STAG1: variants seen among roughly 807,000 people sequenced by gnomAD.
STAG1 encodes cohesin subunit SA-1.
In STAG1, 26 loss-of-function variants were observed where a neutral mutation model predicts 170.9. That is an observed-to-expected ratio of 0.15 (90% CI 0.11 to 0.21). The LOEUF is 0.21. Among genes scored for constraint, STAG1 ranks in the 10% least tolerant of loss-of-function variants. The probability of loss-of-function intolerance (pLI) is 1.00; values close to 1 mark genes in which losing one functional copy is unlikely to be tolerated. For missense variants in STAG1, 964 were observed against 1,509.5 expected (o/e 0.64, Z 5.99); for synonymous variants, 514 against 497.7 (o/e 1.03, Z -0.44).
intron 1 of STAG1, among the ~76,000 whole-genome samples, chr3:136,714,952 T>TAA (rs1354296982): frequency 1.3e-5 from 1 of 75,174 alleles, no homozygotes; most frequent in South Asian, 4.1e-4. Flanking sequence ...TATATATATA[T>TAA]ATATATATAT....
At chr3:136,691,593 C>T (rs1942725432) in intron 1 of STAG1, among the ~76,000 whole-genome samples, 1 of 152,096 alleles carries the variant, frequency 6.6e-6, no homozygotes, top group South Asian at 2.1e-4. Flanking sequence ...TCTGAGAAAC[C>T]CTCAAAGCTG....
At chr3:136,623,049 TA>T in intron 3 of STAG1, 96 bp downstream of exon 3, 1 of 1,009,180 alleles carries the variant, frequency 9.9e-7, no homozygotes, top group Non-Finnish European at 1.4e-6. Flanking sequence ...GAATTTTTTT[TA>T]AGTATTAACC....
In STAG1 at chr3:136,338,209, A is replaced by C; in HGVS notation, c.*45T>G. 1 of 1,409,816 alleles carries C rather than the reference A, an allele frequency of 7.1e-7. No homozygotes were observed. Among genetic ancestry groups the C allele is most frequent in the Non-Finnish European group, 1.0e-6 (1 of 998,668 alleles). The allele number at this position is 1,409,816 out of a possible 1,614,324, so 87.3% of individuals were successfully genotyped here. ...AAGCTATCACAGTATATAGGCCTCT[A>C]GCTCTAAATAATAGAGTTCCAGATT... On this transcript the variant is annotated 3_prime_UTR_variant, in exon 34 of 34. Transcript: ENST00000383202.
chr3:136,341,719 T>C (rs1353245245), intron 30 of STAG1, among the ~76,000 whole-genome samples, 168 bp from the exon 31 acceptor site: 1 of 152,202 alleles, frequency 6.6e-6, no homozygotes, highest in Non-Finnish European at 1.5e-5. Context: ...CCCAAAGATA[T>C]CTGTAAGTCT....
chr3:136,516,026 TA>T (rs1424678888), intron 7 of STAG1, among the ~76,000 whole-genome samples: 3 of 151,934 alleles, frequency 2.0e-5, no homozygotes, highest in South Asian at 2.1e-4. Flanking sequence ...AAAATGAATA[TA>T]AAAAAATAAA....
At chr3:136,438,240 CTT>C (rs371190637) in intron 15 of STAG1, among the ~76,000 whole-genome samples, 3 of 128,200 alleles carry the variant, frequency 2.3e-5, no homozygotes, top group Admixed American at 8.7e-5. Flanking sequence ...AGTTTCTTTT[CTT>C]TTTTTTTTTT....
In STAG1 at chr3:136,439,781, A is replaced by G. The variant is rs1559802246; in HGVS notation, c.1546+3506T>C. 2.6e-5 allele frequency among the ~76,000 whole-genome samples: 4 copies of G among 152,232 alleles called. No homozygotes were observed. The South Asian group carries it at 8.3e-4, about 32-fold the overall frequency. ...GTCATTATGTAGATACAGTTCTGCA[A>G]CTGTTATGCCTAATTTCTCAGACTC... On this transcript the variant is annotated intron_variant, in intron 15 of 33. Transcript: ENST00000383202.
chr3:136,510,574 C>A (rs1258053674), intron 7 of STAG1, among the ~76,000 whole-genome samples: 3 of 151,372 alleles, frequency 2.0e-5, no homozygotes, highest in Admixed American at 6.6e-5. Context: ...CTGCACCCAG[C>A]CAATAGTGAG....
intron 5 of STAG1, among the ~76,000 whole-genome samples, chr3:136,566,106 G>A (rs1017445299): frequency 6.6e-6 from 1 of 152,028 alleles, no homozygotes; most frequent in African/African-American, 2.4e-5. Context: ...AGAGAGAGGT[G>A]GTAACTGCTA....
chr3:136,558,053 G>A lies in STAG1; in HGVS notation c.394+10712C>T, dbSNP rs144210052. On this transcript the variant is annotated intron_variant, in intron 5 of 33. Transcript: ENST00000383202. ...AAAAGCAGGCTGCAAGATGGAAGAA[G>A]AAAGCTGCAATATACATAACAAAGG... Among the ~76,000 whole-genome samples the A allele has an allele frequency of 3.2e-3, 493 of 152,276 alleles. 7 individuals are homozygous for A. In the East Asian group the frequency reaches 0.046, roughly 14 times the overall value.
At chr3:136,486,564 C>A (rs1252933158) in intron 9 of STAG1, among the ~76,000 whole-genome samples, 1 of 152,108 alleles carries the variant, frequency 6.6e-6, no homozygotes, top group Non-Finnish European at 1.5e-5. Flanking sequence ...GCTATACTAC[C>A]CTTGTAAAAG....
intron 1 of STAG1, among the ~76,000 whole-genome samples, chr3:136,717,423 G>GGA (rs1000451165): frequency 1.3e-5 from 2 of 152,184 alleles, no homozygotes; most frequent in African/African-American, 4.8e-5. Context: ...CAGCACTTTG[G>GGA]GAGGTCGAGG....
chr3:136,667,615 G>A (rs1941832159), intron 1 of STAG1, among the ~76,000 whole-genome samples: 1 of 152,036 alleles, frequency 6.6e-6, no homozygotes, highest in South Asian at 2.1e-4. Context: ...CCCTGCCGCA[G>A]CCTCCCAGTA....
At chr3:136,447,675 C>G (rs1028190960) in intron 14 of STAG1, among the ~76,000 whole-genome samples, 4 of 134,558 alleles carry the variant, frequency 3.0e-5, no homozygotes, top group Non-Finnish European at 4.6e-5. Context: ...GGTGCGATCT[C>G]GGCTCACTGC....
Position 136,707,994 on chromosome 3 carries a change from C to T in STAG1, c.-84+44201G>A, listed in dbSNP as rs185987385. On this transcript the variant is annotated intron_variant, in intron 1 of 33. Transcript: ENST00000383202. The stretch of plus-strand genomic sequence containing the variant: ...TATATTTTTTTAAAAAAAAGGAAAA[C>T]AGCAAGTGTTAGCAAGGATGTGAAG... Among the ~76,000 whole-genome samples the T allele has an allele frequency of 6.9e-4, 105 of 152,054 alleles. 1 individual carries two copies. In the East Asian group the frequency reaches 0.017, roughly 24 times the overall value.
intron 1 of STAG1, among the ~76,000 whole-genome samples, chr3:136,669,911 A>G (rs1941927319): frequency 6.6e-6 from 1 of 152,272 alleles, no homozygotes; most frequent in Non-Finnish European, 1.5e-5. Flanking sequence ...CATATACCAT[A>G]ATAGTTAAAG....
At chr3:136,690,057 A>AAAAAAAAAAAAAAAAAAAAAAAG (rs1942670943) in intron 1 of STAG1, among the ~76,000 whole-genome samples, 1 of 87,956 alleles carries the variant, frequency 1.1e-5, no homozygotes, top group Non-Finnish European at 2.2e-5. Context: ...AAAGCAAACC[A>AAAAAAAAAAAAAAAAAAAAAAAG]AAAAAAAAAA....
At chr3:136,386,189 AT>A (rs2086869717) in intron 22 of STAG1, among the ~76,000 whole-genome samples, 1 of 152,074 alleles carries the variant, frequency 6.6e-6, no homozygotes, top group African/African-American at 2.4e-5. Context: ...TACAAAAAAA[AT>A]TAGCTGGGCA....
chr3:136,695,436 CAA>C (rs757572153), intron 1 of STAG1, among the ~76,000 whole-genome samples: 14 of 114,380 alleles, frequency 1.2e-4, no homozygotes, highest in East Asian at 2.4e-4. Flanking sequence ...GACTCTGTCT[CAA>C]AAAAAAAAAA....
Sources: allele counts gnomAD v4.1 joint callset (sites outside exome capture counted in the v4.1 genomes callset), GRCh38; gene constraint gnomAD v4.1.1; transcripts MANE v1.5; gene names NCBI Gene and HGNC (gene_info 2026-07-23, HGNC 2026-07-21).